The following CDC40 variants were observed in gnomAD, a reference collection of about 807,000 sequenced individuals.
CDC40 encodes the protein pre-mRNA-processing factor 17.
In CDC40, 27 loss-of-function variants were observed where a neutral mutation model predicts 80.6. That is an observed-to-expected ratio of 0.33 (90% CI 0.25 to 0.46). CDC40 has a LOEUF of 0.46. CDC40 is among the 20% of genes least tolerant of loss of function. CDC40 has a pLI of 1.00. For missense variants in CDC40, 486 were observed against 694.1 expected (o/e 0.70, Z 3.37); for synonymous variants, 221 against 232.6 (o/e 0.95, Z 0.45).
intron 12 of CDC40, among the ~76,000 whole-genome samples, chr6:110,224,883 A>G (rs982721080): frequency 6.6e-6 from 1 of 152,246 alleles, no homozygotes; most frequent in Non-Finnish European, 1.5e-5. Flanking sequence ...CTTAATTTAG[A>G]AAATTCTCAT....
In CDC40 at chr6:110,217,724, T is replaced by TATCTGCTTCA; in HGVS notation, c.1014_1023dup (p.Thr342LeufsTer15). The TATCTGCTTCA allele has an allele frequency of 6.3e-7, 1 of 1,595,404 alleles. No individual in the cohort carries two copies. Among genetic ancestry groups the TATCTGCTTCA allele is most frequent in the Non-Finnish European group, 8.6e-7 (1 of 1,163,164 alleles). ...TAGGTCACAGTAAGGCTGTTAGGGA[T>TATCTGCTTCA]ATCTGCTTCAATACTGCAGGAACAC... On this transcript the variant is annotated frameshift_variant, in exon 10 of 15. Transcript: ENST00000307731. LOFTEE classifies it high-confidence loss of function.
At chr6:110,223,842 GTTTTGTT>G (rs1338482144) in intron 12 of CDC40, among the ~76,000 whole-genome samples, 1 of 149,960 alleles carries the variant, frequency 6.7e-6, no homozygotes, top group Non-Finnish European at 1.5e-5. Context: ...GTTTTGTTTT[GTTTTGTT>G]TGAGACAGAG....
intron 3 of CDC40, among the ~76,000 whole-genome samples, chr6:110,206,567 T>C (rs1275991093): frequency 6.6e-6 from 1 of 152,236 alleles, no homozygotes; most frequent in Non-Finnish European, 1.5e-5. Flanking sequence ...CTACATACTT[T>C]ATAATTAGTT....
At chr6:110,207,795 C>G (rs1419679528) in intron 4 of CDC40, among the ~76,000 whole-genome samples, 1 of 152,028 alleles carries the variant, frequency 6.6e-6, no homozygotes, top group African/African-American at 2.4e-5. Context: ...GTTGTGGAAT[C>G]TTGTAGGGAA....
chr6:110,224,531 G>A (rs1777826437), intron 12 of CDC40: 1 of 152,136 alleles, frequency 6.6e-6, no homozygotes, highest in African/African-American at 2.4e-5. Context: ...TGGGATTACA[G>A]GCATGTGCCA....
chr6:110,190,579 G>A (rs1362706087), intron 1 of CDC40, among the ~76,000 whole-genome samples: 1 of 152,168 alleles, frequency 6.6e-6, no homozygotes, highest in Non-Finnish European at 1.5e-5. Flanking sequence ...AGTGTTTGAT[G>A]CTGTGGGACA....
At chr6:110,209,060 T>C (rs1777599110) in intron 4 of CDC40, 24 bp from the exon 5 acceptor site, 2 of 1,373,998 alleles carry the variant, frequency 1.5e-6, no homozygotes, top group Non-Finnish European at 2.0e-6. Context: ...AGTTTTTTTT[T>C]TAATTTTTTT....
chr6:110,224,275 G>GT (rs1230531696), intron 12 of CDC40: 1 of 151,884 alleles, frequency 6.6e-6, no homozygotes, highest in Admixed American at 6.6e-5. Context: ...CTTTTATTAG[G>GT]TTTTTTTCGT....
chr6:110,207,721 A>G (rs1341831228), intron 4 of CDC40, 132 bp downstream of exon 4: 4 of 591,830 alleles, frequency 6.8e-6, no homozygotes, highest in African/African-American at 5.6e-5. Flanking sequence ...CAATGGAGCG[A>G]TACAGTTTAG....
chr6:110,204,959 G>T (rs1051980280), intron 3 of CDC40, among the ~76,000 whole-genome samples: 4 of 152,130 alleles, frequency 2.6e-5, no homozygotes, highest in Admixed American at 2.6e-4. Context: ...GAGCCACGAT[G>T]CCCGGCCCTA....
At chr6:110,213,739 C>A (rs1251266233) in intron 8 of CDC40, among the ~76,000 whole-genome samples, 1 of 152,112 alleles carries the variant, frequency 6.6e-6, no homozygotes, top group Non-Finnish European at 1.5e-5. Context: ...AAATGTAATT[C>A]ATCCTTTTTC....
Position 110,212,148 on chromosome 6 carries a change from A to T in CDC40, c.743A>T (p.Asp248Val), listed in dbSNP as rs1777644887. ...TTTGTTTCAGTTAAAGAAATGTATG[A>T]CTATCAAGGCAGGTCCTATCTTCAC... The part of the protein sequence containing the change: ...KTILHVKEMY[D>V]YQGRSYLHIP... The change falls in exon 7 of 15, where the codon GAC becomes GTC. Residue 248 changes from aspartate to valine, a missense_variant. Asp to Val is a radical substitution (Grantham distance 152, BLOSUM62 -3). Around this residue, in one of 3 missense-constraint regions of CDC40, gnomAD observed 381 missense variants for 492.1 expected, o/e 0.77. Coordinates refer to ENST00000307731, the MANE Select transcript of CDC40 (RefSeq NM_015891.3). 6.2e-7 allele frequency: 1 copy of T among 1,613,070 alleles called. No individual in the cohort carries two copies. Among genetic ancestry groups the T allele is most frequent in the Non-Finnish European group, 8.5e-7 (1 of 1,179,312 alleles).
Position 110,219,734 on chromosome 6 carries a change from A to G in CDC40, c.1207-2A>G. ...TTACCTTTTTTCTTGCCTGATACAC[A>G]GTGGGACATTCGAAGTGGAGAAATT... On this transcript the variant is annotated splice_acceptor_variant, in intron 11 of 14. Transcript: ENST00000307731. LOFTEE classifies it high-confidence loss of function. 6.2e-7 allele frequency: 1 copy of G among 1,613,898 alleles called. No individual in the cohort carries two copies. The highest frequency in any genetic ancestry group is 8.5e-7 in the Non-Finnish European group (1 of 1,179,888).
At chr6:110,204,478 AT>A (rs1466907312) in intron 3 of CDC40, among the ~76,000 whole-genome samples, 1 of 152,136 alleles carries the variant, frequency 6.6e-6, no homozygotes, top group Non-Finnish European at 1.5e-5. Flanking sequence ...GGTAGTGAAT[AT>A]TTTTGTACAT....
At chr6:110,198,581 G>A (rs780306877) in intron 2 of CDC40, among the ~76,000 whole-genome samples, 8 of 152,072 alleles carry the variant, frequency 5.3e-5, no homozygotes, top group Non-Finnish European at 1.2e-4. Flanking sequence ...TGAGTTCCTT[G>A]TGTATTTTGG....
At chr6:110,225,836 G>A (rs1777850893) in intron 12 of CDC40, among the ~76,000 whole-genome samples, 1 of 152,188 alleles carries the variant, frequency 6.6e-6, no homozygotes, top group African/African-American at 2.4e-5. Flanking sequence ...TGAGATTTTA[G>A]TGTATCCATC....
chr6:110,212,272 G>A lies in CDC40; in HGVS notation c.867G>A (p.Lys289=). Residue 289 remains lysine, a splice_region_variant and synonymous_variant, in exon 7 of 15, where the codon AAG becomes AAA. Transcript: ENST00000307731. ...TTCATGTGTGGTCTGGACACACAAA[G>A]GTAAGCAAGTTGGTTGTTTCTGTTT... ...KQIHVWSGHT[K]GVSAVRLFPL... 6.2e-7 allele frequency: 1 copy of A among 1,613,386 alleles called. No individual in the cohort carries two copies. The highest frequency in any genetic ancestry group is 1.3e-5 in the African/African-American group (1 of 75,008).
At chr6:110,193,540 G>A (rs1777379556) in intron 2 of CDC40, among the ~76,000 whole-genome samples, 5 of 151,914 alleles carry the variant, frequency 3.3e-5, no homozygotes, top group African/African-American at 1.2e-4. Flanking sequence ...GAGTAGCTGG[G>A]ACTACAGGCG....
chr6:110,210,632 A>G, intron 5 of CDC40, 75 bp from the exon 6 acceptor site: 2 of 644,186 alleles, frequency 3.1e-6, no homozygotes, highest in South Asian at 3.5e-5. Context: ...GTCATTATAA[A>G]GAATTTATAA....
Sources: gnomAD v4.1 joint callset for allele counts (sites outside exome capture counted in the v4.1 genomes callset) on GRCh38, gnomAD v4.1.1 for gene constraint, gnomAD v4.1.1 regional missense constraint, MANE v1.5 for transcripts, NCBI Gene and HGNC (gene_info 2026-07-23, HGNC 2026-07-21) for gene names.